The following SPIRE1 variants were observed in gnomAD, a reference collection of about 807,000 sequenced individuals.
SPIRE1 encodes protein spire homolog 1.
A neutral mutation model predicts 94.1 loss-of-function variants in SPIRE1; 40 were observed. That is an observed-to-expected ratio of 0.43 (90% CI 0.33 to 0.55). The LOEUF (loss-of-function observed/expected upper bound fraction) is 0.55. Ranked by LOEUF, SPIRE1 falls within the 20% of genes least tolerant of loss-of-function variation. The pLI is 0.06. For synonymous variants in SPIRE1, 376 were observed against 371.7 expected (o/e 1.01, Z -0.13); for missense variants, 838 against 975.2 (o/e 0.86, Z 1.87).
At chr18:12,630,417 T>TG (rs1431125346) in intron 2 of SPIRE1, among the ~76,000 whole-genome samples, 6 of 152,184 alleles carry the variant, frequency 3.9e-5, no homozygotes, top group African/African-American at 1.4e-4. Context: ...CCCAGCACTT[T>TG]GGAGGCTGAG....
At chr18:12,454,171 GC>G (rs2031389643) in intron 13 of SPIRE1, among the ~76,000 whole-genome samples, 174 bp downstream of exon 13, 1 of 152,030 alleles carries the variant, frequency 6.6e-6, no homozygotes, top group South Asian at 2.1e-4. Context: ...AAACAAAAAT[GC>G]CCCCTCTTGT....
rs574784031 is a variant in SPIRE1 at position 12,451,822 on chromosome 18, C to T, written c.2012+433G>A. Among the ~76,000 whole-genome samples, 12 of 152,312 alleles carry T rather than the reference C, an allele frequency of 7.9e-5. No individual in the cohort carries two copies. In the South Asian group the frequency reaches 2.5e-3, roughly 32 times the overall value. Reference sequence around the variant, plus strand: ...TAAATTATTAGCTCTTGGCATAAAGCTTTATTTCTGCCTTTACAATAATAG... The same window carrying T: ...TAAATTATTAGCTCTTGGCATAAAGTTTTATTTCTGCCTTTACAATAATAG... On this transcript the variant is annotated intron_variant, in intron 16 of 16. Coordinates refer to ENST00000409402, the MANE Select transcript of SPIRE1 (RefSeq NM_001128626.2).
chr18:12,586,906 T>G (rs1016591978), intron 2 of SPIRE1, among the ~76,000 whole-genome samples: 1 of 152,214 alleles, frequency 6.6e-6, no homozygotes, highest in African/African-American at 2.4e-5. Context: ...ATTTCATGAC[T>G]CTAGACACTT....
At chr18:12,556,841 C>A (rs1230190812) in intron 2 of SPIRE1, among the ~76,000 whole-genome samples, 1 of 152,134 alleles carries the variant, frequency 6.6e-6, no homozygotes, top group African/African-American at 2.4e-5. Flanking sequence ...ACAAAGCTTC[C>A]ACAGTGTGGA....
rs1474390314 is a variant in SPIRE1 at position 12,448,208 on chromosome 18, C to G, written c.*1430G>C. 6.6e-6 allele frequency: 1 copy of G among 152,530 alleles called. No individual in the cohort carries two copies. Among genetic ancestry groups the G allele is most frequent in the Non-Finnish European group, 1.5e-5 (1 of 68,022 alleles). The allele number at this position is 152,530 out of a possible 1,614,324, so 9.4% of individuals were successfully genotyped here. On this transcript the variant is annotated 3_prime_UTR_variant, in exon 17 of 17. Transcript: ENST00000409402. This position sits in a 1 kb window ranked among gnomAD's most constrained non-coding sequence, Gnocchi z 4.4. The stretch of plus-strand genomic sequence containing the variant: ...AATCCATTAAAAACTACTACCGGAG[C>G]AGTTTTGAGGTATTACTGTTAATTT...
chr18:12,653,884 G>C (rs2144904293), intron 1 of SPIRE1, among the ~76,000 whole-genome samples: 1 of 151,216 alleles, frequency 6.6e-6, no homozygotes, highest in South Asian at 2.1e-4. Flanking sequence ...AGGCGGAAGT[G>C]GCAGTGAGCC....
chr18:12,489,941 G>C (rs534000208), intron 8 of SPIRE1, among the ~76,000 whole-genome samples: 1 of 152,244 alleles, frequency 6.6e-6, no homozygotes, highest in South Asian at 2.1e-4. Flanking sequence ...ATTACATGTA[G>C]GGGAAAGTGA....
rs533212670 is a variant in SPIRE1, at chr18:12,501,955, C to T, written c.972+4522G>A. On this transcript the variant is annotated intron_variant, in intron 6 of 16. Transcript: ENST00000409402. ...CCAGCCCAGGCGACAGAGCAAGACC[C>T]TGTGTCAATCAATCAATAAATGTCT... is the stretch of plus-strand genomic sequence containing the variant. Among the ~76,000 whole-genome samples the T allele has an allele frequency of 1.1e-4, 16 of 152,280 alleles. No individual in the cohort carries two copies. In the East Asian group the frequency reaches 3.1e-3, roughly 29 times the overall value.
intron 16 of SPIRE1, chr18:12,451,044 AG>A: frequency 2.0e-6 from 1 of 491,120 alleles, no homozygotes; most frequent in Admixed American, 3.1e-5. Flanking sequence ...GAGGAGGAGG[AG>A]GAGGATGAAT....
chr18:12,606,328 T>G (rs1328000634), intron 2 of SPIRE1, among the ~76,000 whole-genome samples: 1 of 150,416 alleles, frequency 6.6e-6, no homozygotes, highest in Non-Finnish European at 1.5e-5. Flanking sequence ...AAGTTCTCTC[T>G]TTGTACAAAG....
chr18:12,512,995 TTCCTCCCTGAATAAGTCAAAA>T (rs1296770044), intron 4 of SPIRE1, among the ~76,000 whole-genome samples: 2 of 152,066 alleles, frequency 1.3e-5, no homozygotes, highest in African/African-American at 4.8e-5. Context: ...AAGCCTTCCC[TTCCTCCCTGAATAAGTCAAAA>T]TCCTCCTATT....
At chr18:12,561,083 G>A (rs986526047) in intron 2 of SPIRE1, among the ~76,000 whole-genome samples, 2 of 151,976 alleles carry the variant, frequency 1.3e-5, no homozygotes, top group South Asian at 4.1e-4. Flanking sequence ...AATATCTTAC[G>A]TAACCCACAA....
Position 12,602,429 on chromosome 18 carries a change from G to C in SPIRE1, c.372+32633C>G, listed in dbSNP as rs570435257. On this transcript the variant is annotated intron_variant, in intron 2 of 16. Transcript: ENST00000409402. ...AATTCATATACTGGCTTAGTGAGTA[G>C]CCAGCAAGGAGAGGCTGCTCAGTCC... Among the ~76,000 whole-genome samples the C allele has an allele frequency of 2.6e-5, 4 of 152,232 alleles. No homozygotes were observed. In the East Asian group the frequency reaches 7.7e-4, roughly 29 times the overall value.
Position 12,640,036 on chromosome 18 carries a change from G to T in SPIRE1, c.338-4940C>A, listed in dbSNP as rs144658908. 6.6e-5 allele frequency among the ~76,000 whole-genome samples: 10 copies of T among 152,264 alleles called. No individual in the cohort carries two copies. The East Asian group carries it at 1.9e-3, about 29-fold the overall frequency. On this transcript the variant is annotated intron_variant, in intron 1 of 16. Transcript: ENST00000409402. The stretch of plus-strand genomic sequence containing the variant: ...AACTAAGGCAACACTGTCATCTTCA[G>T]CAGACATTATAAATCTTAAATATTG...
At chr18:12,571,400 A>G (rs2035957974) in intron 2 of SPIRE1, among the ~76,000 whole-genome samples, 1 of 152,178 alleles carries the variant, frequency 6.6e-6, no homozygotes, top group African/African-American at 2.4e-5. Flanking sequence ...CAATTATTTT[A>G]GCTTGGTAGA....
At chr18:12,608,144 C>T (rs377224893) in intron 2 of SPIRE1, among the ~76,000 whole-genome samples, 77 of 134,436 alleles carry the variant, frequency 5.7e-4, no homozygotes, top group African/African-American at 2.2e-3. Flanking sequence ...GGTGACAGAG[C>T]GAGACTCCAT....
intron 10 of SPIRE1, among the ~76,000 whole-genome samples, chr18:12,466,705 T>A (rs7231578): frequency 2.0e-5 from 3 of 152,186 alleles, no homozygotes; most frequent in East Asian, 3.8e-4. Flanking sequence ...ATTTAAAAAA[T>A]TTTTGTTTTA....
chr18:12,452,318 TC>T lies in SPIRE1; in HGVS notation c.1948del (p.Glu650LysfsTer4), dbSNP rs1568177816. 1 of 1,613,886 alleles carries T rather than the reference TC, an allele frequency of 6.2e-7. No homozygotes were observed. On this transcript the variant is annotated frameshift_variant, in exon 16 of 17. Coordinates refer to ENST00000409402, the MANE Select transcript of SPIRE1 (RefSeq NM_001128626.2). LOFTEE classifies it high-confidence loss of function. Reference sequence around the variant, plus strand: ...GGGTTTTTCTGACCTCATACTACTTTCCCCTCTTTGCAGAGCAGAAGGTCCC... The same window carrying T: ...GGGTTTTTCTGACCTCATACTACTTTCCCTCTTTGCAGAGCAGAAGGTCCC... ...SLGPSALQRG[E>X]SSMRSEKPST...
chr18:12,521,801 G>C (rs1381486096), intron 4 of SPIRE1, among the ~76,000 whole-genome samples: 1 of 151,890 alleles, frequency 6.6e-6, no homozygotes, highest in Non-Finnish European at 1.5e-5. Flanking sequence ...ATGGAGATCT[G>C]TGAGGAGTGA....
Sources: gnomAD v4.1 joint callset for allele counts (sites outside exome capture counted in the v4.1 genomes callset) on GRCh38, gnomAD v4.1.1 for gene constraint, Gnocchi (gnomAD v3.1) non-coding constraint, MANE v1.5 for transcripts, NCBI Gene and HGNC (gene_info 2026-07-23, HGNC 2026-07-21) for gene names.